The following CDH18 variants were observed in gnomAD, a reference collection of about 807,000 sequenced individuals.
CDH18 encodes the protein cadherin 18, also known as cadherin-18.
In CDH18, 31 loss-of-function variants were observed where a neutral mutation model predicts 67.9. The observed-to-expected ratio is 0.46, with a 90% confidence interval of 0.34 to 0.62. The LOEUF (loss-of-function observed/expected upper bound fraction) is 0.62. CDH18 is among the 20% of genes least tolerant of loss of function. The pLI, the probability that CDH18 is intolerant of heterozygous loss-of-function variation, is 0.01. For missense variants in CDH18, 890 were observed against 975.5 expected (o/e 0.91, Z 1.17); for synonymous variants, 362 against 347.2 (o/e 1.04, Z -0.48).
chr5:20,513,580 A>C (rs984370572), intron 1 of CDH18, among the ~76,000 whole-genome samples: 9 of 152,186 alleles, frequency 5.9e-5, no homozygotes, highest in Non-Finnish European at 1.3e-4. Context: ...GATTTATGCT[A>C]CAAGTCTTAC....
chr5:19,481,418 A>G (rs1157957650), intron 12 of CDH18, among the ~76,000 whole-genome samples: 1 of 152,186 alleles, frequency 6.6e-6, no homozygotes, highest in African/African-American at 2.4e-5. Context: ...ACTTTTCCTC[A>G]GGTCTGTTAT....
intron 2 of CDH18, among the ~76,000 whole-genome samples, chr5:19,908,819 T>C (rs1286791557): frequency 6.6e-6 from 1 of 152,206 alleles, no homozygotes; most frequent in Non-Finnish European, 1.5e-5. Context: ...GAATCTAATA[T>C]TGAAATCTGC....
intron 2 of CDH18, among the ~76,000 whole-genome samples, chr5:19,941,876 G>T (rs931678475): frequency 3.9e-5 from 6 of 152,050 alleles, no homozygotes; most frequent in Admixed American, 1.3e-4. Context: ...AGACATATTT[G>T]CCTAAGATCA....
chr5:19,884,281 T>A (rs756827524), intron 2 of CDH18, among the ~76,000 whole-genome samples: 11 of 152,160 alleles, frequency 7.2e-5, no homozygotes, highest in Non-Finnish European at 1.2e-4. Flanking sequence ...AAAACTTTGA[T>A]GATTTTGGCA....
At chr5:19,486,961 G>C (rs897019516) in intron 11 of CDH18, among the ~76,000 whole-genome samples, 4 of 152,166 alleles carry the variant, frequency 2.6e-5, no homozygotes, top group African/African-American at 4.8e-5. Context: ...GTGCACCATA[G>C]CTGGGTTCTT....
chr5:19,530,613 G>C (rs1008359322), intron 9 of CDH18, among the ~76,000 whole-genome samples: 2 of 151,732 alleles, frequency 1.3e-5, no homozygotes, highest in Admixed American at 1.3e-4. Context: ...TCCCCAGAGT[G>C]TGATGTTCCC....
At chr5:20,237,858 A>G (rs1742596033) in intron 2 of CDH18, among the ~76,000 whole-genome samples, 1 of 151,980 alleles carries the variant, frequency 6.6e-6, no homozygotes, top group African/African-American at 2.4e-5. Flanking sequence ...AAATCATAAT[A>G]ACTATAACAA....
At position 19,549,767 on chromosome 5, in the gene CDH18, A is replaced by C. The variant is rs192233608; in HGVS notation, c.1254-5762T>G. Among the ~76,000 whole-genome samples, 343 of 132,454 alleles carry C rather than the reference A, an allele frequency of 2.6e-3. 1 individual carries two copies. The highest frequency in any genetic ancestry group is 9.6e-3 in the African/African-American group (327 of 34,058). 86.9% of individuals were successfully genotyped at this position (132,454 alleles called of 152,430 possible). On this transcript the variant is annotated intron_variant, in intron 8 of 12. Transcript: ENST00000382275. ...AGAAAAGAAAAAGAAAGAAAGAAAAAGAAAGAAAGAAAGGAAGAAAGAAAG... is the reference window on the plus strand; with the variant it reads ...AGAAAAGAAAAAGAAAGAAAGAAAACGAAAGAAAGAAAGGAAGAAAGAAAG...
intron 11 of CDH18, among the ~76,000 whole-genome samples, chr5:19,486,545 G>A (rs1037475410): frequency 1.3e-5 from 2 of 152,128 alleles, no homozygotes; most frequent in African/African-American, 2.4e-5. Context: ...TAATCCCAAC[G>A]CTTTGGGAGG....
intron 1 of CDH18, among the ~76,000 whole-genome samples, chr5:20,518,512 A>T (rs1358984336): frequency 6.6e-6 from 1 of 152,142 alleles, no homozygotes; most frequent in African/African-American, 2.4e-5. Context: ...AAAATTATGG[A>T]TCCTGTGTAA....
At chr5:20,212,157 G>A (rs1740402748) in intron 2 of CDH18, among the ~76,000 whole-genome samples, 1 of 152,096 alleles carries the variant, frequency 6.6e-6, no homozygotes, top group Admixed American at 6.6e-5. Context: ...TAGCTGATTC[G>A]ATCAACTGGA....
At chr5:20,494,561 A>G (rs1452823965) in intron 1 of CDH18, among the ~76,000 whole-genome samples, 2 of 152,214 alleles carry the variant, frequency 1.3e-5, no homozygotes, top group African/African-American at 2.4e-5. Flanking sequence ...CTGTTTTCTC[A>G]TGAAAAAAGA....
At chr5:20,089,340 G>A (rs993911175) in intron 2 of CDH18, among the ~76,000 whole-genome samples, 1 of 151,848 alleles carries the variant, frequency 6.6e-6, no homozygotes, top group African/African-American at 2.4e-5. Context: ...TGTCTTGTTT[G>A]TTAAACTATG....
At chr5:19,915,813 T>C (rs191088720) in intron 2 of CDH18, among the ~76,000 whole-genome samples, 2 of 152,244 alleles carry the variant, frequency 1.3e-5, no homozygotes, top group East Asian at 3.9e-4. Context: ...TTTGTATATA[T>C]GTTTATTAAA....
chr5:19,958,379 CAAAAAAAAAAAAA>C (rs57913629), intron 2 of CDH18, among the ~76,000 whole-genome samples: 2 of 66,632 alleles, frequency 3.0e-5, no homozygotes, highest in African/African-American at 1.1e-4. Context: ...TTTCCTTCAC[CAAAAAAAAAAAAA>C]AAAAAAAAGG....
intron 1 of CDH18, among the ~76,000 whole-genome samples, chr5:20,413,949 T>C (rs1233568669): frequency 2.0e-5 from 3 of 152,328 alleles, no homozygotes; most frequent in Non-Finnish European, 4.4e-5. Flanking sequence ...GTTTTAGGTC[T>C]AACATTTAAG....
intron 1 of CDH18, among the ~76,000 whole-genome samples, chr5:20,549,873 C>A (rs566586767): frequency 2.6e-4 from 39 of 152,202 alleles, no homozygotes; most frequent in South Asian, 6.2e-4. Flanking sequence ...TGATAAACTT[C>A]TTTTCAAAGA....
At chr5:20,556,444 T>C (rs2126635136) in intron 1 of CDH18, among the ~76,000 whole-genome samples, 1 of 152,262 alleles carries the variant, frequency 6.6e-6, no homozygotes, top group South Asian at 2.1e-4. Context: ...TAGACACTCA[T>C]CCCCGGCCAA....
intron 2 of CDH18, among the ~76,000 whole-genome samples, chr5:20,207,419 T>G (rs1236496499): frequency 6.6e-6 from 1 of 152,046 alleles, no homozygotes; most frequent in Non-Finnish European, 1.5e-5. Context: ...TAGTCCATTT[T>G]CATGCTGCTC....
Sources: gnomAD v4.1 joint callset for allele counts (sites outside exome capture counted in the v4.1 genomes callset) on GRCh38, gnomAD v4.1.1 for gene constraint, MANE v1.5 for transcripts, NCBI Gene and HGNC (gene_info 2026-07-23, HGNC 2026-07-21) for gene names.